BAALC: variants seen among roughly 807,000 people sequenced by gnomAD.
BAALC encodes brain and acute leukemia cytoplasmic protein.
In BAALC, 9 loss-of-function variants were observed where a neutral mutation model predicts 15.5. That is an observed-to-expected ratio of 0.58 (90% confidence interval 0.35 to 1.02). BAALC has a LOEUF of 1.02. Among genes scored for constraint, BAALC ranks in the 50% least tolerant of loss-of-function variants. The pLI is 0.02. For missense variants in BAALC, 201 were observed against 192.4 expected (o/e 1.04, Z -0.27); for synonymous variants, 80 against 74.6 (o/e 1.07, Z -0.37).
intron 1 of BAALC, among the ~76,000 whole-genome samples, chr8:103,147,750 C>T (rs549862562): frequency 3.9e-5 from 6 of 152,172 alleles, no homozygotes; most frequent in South Asian, 2.1e-4. Context: ...CCTACAGCCT[C>T]GAGACACTCT....
In BAALC at chr8:103,225,074, G is replaced by C. The variant is rs115823920; in HGVS notation, c.328-2915G>C. 5.3e-3 allele frequency among the ~76,000 whole-genome samples: 810 copies of C among 152,280 alleles called. 15 individuals carry two copies. Among genetic ancestry groups the C allele is most frequent in the African/African-American group, 0.018 (734 of 41,558 alleles). The stretch of plus-strand genomic sequence containing the variant: ...ATTTTATCAGTTCTCTGCTTTTGGG[G>C]AAAAATAAGCCCATAAAAGTCTTTG... On this transcript the variant is annotated intron_variant, in intron 2 of 2. Transcript: ENST00000309982.
At chr8:103,180,460 A>G (rs1811701655) in intron 1 of BAALC, among the ~76,000 whole-genome samples, 1 of 152,212 alleles carries the variant, frequency 6.6e-6, no homozygotes, top group South Asian at 2.1e-4. Context: ...GCATGAATCC[A>G]GGTCTGGCTG....
chr8:103,145,796 T>G (rs1264979027), intron 1 of BAALC, among the ~76,000 whole-genome samples: 1 of 152,182 alleles, frequency 6.6e-6, no homozygotes. Context: ...CAATAAACGT[T>G]TGTTGAATGA....
chr8:103,154,641 G>A (rs1811050761), intron 1 of BAALC: 1 of 138,774 alleles, frequency 7.2e-6, no homozygotes, highest in South Asian at 2.6e-4. Context: ...AATGGGATCA[G>A]GTGCCTCAAA....
rs114236818 is a variant in BAALC at position 103,178,299 on chromosome 8, C to G, written c.161-34620C>G. 8.7e-3 allele frequency among the ~76,000 whole-genome samples: 1,323 copies of G among 152,244 alleles called. 26 individuals carry two copies. The highest frequency in any genetic ancestry group is 0.031 in the African/African-American group (1,278 of 41,540). ...ATGAAGAATCCTTGTGGTGATGGAG[C>G]TGTTCTGTATCTTGGTTGCAGTGGT... On this transcript the variant is annotated intron_variant, in intron 1 of 2. Coordinates refer to ENST00000309982, the MANE Select transcript of BAALC (RefSeq NM_024812.3).
intron 1 of BAALC, among the ~76,000 whole-genome samples, chr8:103,192,412 C>T (rs964594063): frequency 6.6e-6 from 1 of 152,262 alleles, no homozygotes. Context: ...TAATCCTGTT[C>T]ATCCTGACTG....
intron 1 of BAALC, among the ~76,000 whole-genome samples, chr8:103,152,166 T>C (rs529871130): frequency 2.0e-5 from 3 of 152,166 alleles, no homozygotes; most frequent in African/African-American, 2.4e-5. Context: ...TGTTCTACTA[T>C]GTGTAGAATA....
rs371497614 is a variant in BAALC at position 103,213,027 on chromosome 8, C to T, written c.269C>T (p.Pro90Leu). The part of the protein sequence containing the change: ...KTNCETQCPN[P>L]QSLSSGPLTQ... The stretch of plus-strand genomic sequence containing the variant: ...AACTGTGAGACCCAGTGCCCAAATC[C>T]CCAGAGCCTCAGCTCAGGCCCTCTG... The change falls in exon 2 of 3, where the codon CCC becomes CTC. Residue 90 changes from proline to leucine, a missense_variant. Transcript: ENST00000309982. 46 of 1,613,970 alleles carry T rather than the reference C, an allele frequency of 2.9e-5. No individual in the cohort carries two copies. The highest frequency in any genetic ancestry group is 3.9e-5 in the Non-Finnish European group (46 of 1,179,988).
At chr8:103,203,072 C>T (rs536216203) in intron 1 of BAALC, among the ~76,000 whole-genome samples, 4 of 152,306 alleles carry the variant, frequency 2.6e-5, no homozygotes, top group African/African-American at 9.6e-5. Context: ...ACAAATAGGA[C>T]TCTCCTTGCT....
intron 1 of BAALC, among the ~76,000 whole-genome samples, chr8:103,195,686 G>A (rs1376085897): frequency 5.3e-5 from 8 of 152,176 alleles, no homozygotes; most frequent in Admixed American, 4.6e-4. Flanking sequence ...GTTCATGTTT[G>A]CACTTGCTTT....
chr8:103,213,301 G>A, intron 2 of BAALC: 1 of 525,028 alleles, frequency 1.9e-6, no homozygotes, highest in Non-Finnish European at 3.4e-6. Flanking sequence ...GTGTATGTTT[G>A]CTTAAGTACA....
At chr8:103,169,602 C>G (rs1338626906) in intron 1 of BAALC, among the ~76,000 whole-genome samples, 1 of 152,122 alleles carries the variant, frequency 6.6e-6, no homozygotes, top group Non-Finnish European at 1.5e-5. Context: ...ATTTTCAGGC[C>G]TTTTTGAGGG....
intron 2 of BAALC, among the ~76,000 whole-genome samples, chr8:103,220,530 T>C (rs571403043): frequency 1.3e-5 from 2 of 152,342 alleles, no homozygotes; most frequent in South Asian, 4.1e-4. Context: ...AATTAGAGTC[T>C]GGGCAATACT....
chr8:103,148,083 C>A (rs1453223079), intron 1 of BAALC, among the ~76,000 whole-genome samples: 1 of 152,188 alleles, frequency 6.6e-6, no homozygotes, highest in African/African-American at 2.4e-5. Context: ...ACCCCGGTAC[C>A]TCAGAATGTG....
At chr8:103,155,940 C>G (rs1281865564) in intron 1 of BAALC, among the ~76,000 whole-genome samples, 2 of 152,202 alleles carry the variant, frequency 1.3e-5, no homozygotes, top group African/African-American at 4.8e-5. Flanking sequence ...CAAACTTTTT[C>G]TGTAAAGGGA....
intron 1 of BAALC, among the ~76,000 whole-genome samples, chr8:103,176,161 A>G: frequency 6.6e-6 from 1 of 152,172 alleles, no homozygotes; most frequent in Non-Finnish European, 1.5e-5. Flanking sequence ...CTAACTTTTT[A>G]TTTAGGGGGG....
At chr8:103,201,232 C>T (rs971764179) in intron 1 of BAALC, among the ~76,000 whole-genome samples, 1 of 152,098 alleles carries the variant, frequency 6.6e-6, no homozygotes, top group African/African-American at 2.4e-5. Context: ...ATGGGCAGGG[C>T]CTTGGCCAAG....
chr8:103,188,346 T>C (rs569761562), intron 1 of BAALC, among the ~76,000 whole-genome samples: 1 of 152,246 alleles, frequency 6.6e-6, no homozygotes, highest in East Asian at 1.9e-4. Context: ...TCTACAAGAA[T>C]GCTGAGTGTG....
chr8:103,207,396 A>C (rs1812354486), intron 1 of BAALC, among the ~76,000 whole-genome samples: 1 of 152,210 alleles, frequency 6.6e-6, no homozygotes. Context: ...ATTTTTAGAG[A>C]AGTGACAAGA....
Sources: gnomAD v4.1 joint callset for allele counts (sites outside exome capture counted in the v4.1 genomes callset) on GRCh38, gnomAD v4.1.1 for gene constraint, MANE v1.5 for transcripts, NCBI Gene and HGNC (gene_info 2026-07-23, HGNC 2026-07-21) for gene names.